Variants in ARHGAP26 observed in about 807,000 individuals in gnomAD.
ARHGAP26 encodes rho GTPase-activating protein 26.
In ARHGAP26, 38 loss-of-function variants were observed where a neutral mutation model predicts 104.8. That is an observed-to-expected ratio of 0.36 (90% CI 0.28 to 0.48). The LOEUF (loss-of-function observed/expected upper bound fraction) is 0.48, where lower values mean the gene tolerates loss of function less well. Ranked by LOEUF, ARHGAP26 falls within the 20% of genes least tolerant of loss-of-function variation. The probability of loss-of-function intolerance (pLI) is 0.99; values close to 1 mark genes in which losing one functional copy is unlikely to be tolerated. For missense variants in ARHGAP26, 704 were observed against 947.9 expected, an observed-to-expected ratio of 0.74 and a Z score of 3.38; for synonymous variants, 341 against 340.0, an observed-to-expected ratio of 1.00 and a Z score of -0.03.
At chr5:142,985,811 C>T (rs578220404) in intron 11 of ARHGAP26, among the ~76,000 whole-genome samples, 25 of 151,986 alleles carry the variant, frequency 1.6e-4, no homozygotes, top group Non-Finnish European at 8.8e-5. Context: ...CCAGCTTCAT[C>T]CATGTCCCTA....
chr5:143,097,078 C>T (rs192959619), intron 17 of ARHGAP26, among the ~76,000 whole-genome samples: 103 of 152,208 alleles, frequency 6.8e-4, no homozygotes, highest in Non-Finnish European at 1.1e-3. Context: ...GTGGCTCATG[C>T]GTGTAATCAC....
At chr5:143,122,260 A>G (rs554691572) in intron 18 of ARHGAP26, among the ~76,000 whole-genome samples, 1 of 152,032 alleles carries the variant, frequency 6.6e-6, no homozygotes, top group Non-Finnish European at 1.5e-5. Flanking sequence ...CATCTCTCCT[A>G]TAGCCATCTT....
At chr5:143,055,884 A>G (rs1400111517) in intron 15 of ARHGAP26, 144 bp from the exon 16 acceptor site, 2 of 563,918 alleles carry the variant, frequency 3.5e-6, no homozygotes, top group South Asian at 2.9e-5. Flanking sequence ...AACGCTTGCA[A>G]TAGGGAAACT....
At chr5:142,957,821 G>A (rs889295319) in intron 11 of ARHGAP26, among the ~76,000 whole-genome samples, 1 of 152,188 alleles carries the variant, frequency 6.6e-6, no homozygotes, top group Admixed American at 6.5e-5. Flanking sequence ...TGCAAACAGC[G>A]CTCTCTCTTT....
At chr5:142,924,095 C>T (rs1763571467) in intron 10 of ARHGAP26, among the ~76,000 whole-genome samples, 1 of 152,032 alleles carries the variant, frequency 6.6e-6, no homozygotes, top group Non-Finnish European at 1.5e-5. Context: ...ATCTCCTGAC[C>T]TCGCGATCCA....
chr5:142,797,118 A>C (rs1761132852), intron 1 of ARHGAP26, among the ~76,000 whole-genome samples: 1 of 152,254 alleles, frequency 6.6e-6, no homozygotes. Context: ...TTTGAGTAGC[A>C]TAGTGACATA....
intron 11 of ARHGAP26, among the ~76,000 whole-genome samples, chr5:142,943,050 G>A (rs1183305355): frequency 6.6e-6 from 1 of 152,178 alleles, no homozygotes; most frequent in East Asian, 1.9e-4. Context: ...CAAAGTTCTG[G>A]GATTACAGGC....
At chr5:142,981,955 G>T (rs764695051) in intron 11 of ARHGAP26, among the ~76,000 whole-genome samples, 1 of 152,158 alleles carries the variant, frequency 6.6e-6, no homozygotes, top group African/African-American at 2.4e-5. Flanking sequence ...AAGAGGCCTC[G>T]TGCAGGCTTT....
chr5:143,093,530 GTC>G (rs1212441030), intron 17 of ARHGAP26, among the ~76,000 whole-genome samples: 1 of 151,636 alleles, frequency 6.6e-6, no homozygotes, highest in Non-Finnish European at 1.5e-5. Context: ...TTGACTTTCT[GTC>G]TCTTTCTCTC....
chr5:142,865,802 A>T (rs1219903033), intron 1 of ARHGAP26, among the ~76,000 whole-genome samples: 2 of 152,160 alleles, frequency 1.3e-5, no homozygotes, highest in African/African-American at 4.8e-5. Context: ...AGCTTGGCAT[A>T]CAGGTCCTTC....
At chr5:142,832,058 G>C in intron 1 of ARHGAP26, among the ~76,000 whole-genome samples, 1 of 152,094 alleles carries the variant, frequency 6.6e-6, no homozygotes, top group Non-Finnish European at 1.5e-5. Context: ...TACCAAAACT[G>C]TACACATGTC....
intron 17 of ARHGAP26, among the ~76,000 whole-genome samples, chr5:143,104,000 A>C (rs529274543): frequency 6.6e-6 from 1 of 151,622 alleles, no homozygotes; most frequent in Admixed American, 6.6e-5. Context: ...AGATCCTGCT[A>C]TTTGTTACAA....
At chr5:142,773,988 C>G (rs1162317394) in intron 1 of ARHGAP26, among the ~76,000 whole-genome samples, 1 of 152,166 alleles carries the variant, frequency 6.6e-6, no homozygotes, top group East Asian at 1.9e-4. Flanking sequence ...AATACATAAG[C>G]GCTTCTTGAA....
intron 1 of ARHGAP26, among the ~76,000 whole-genome samples, chr5:142,847,308 G>A (rs1482978690): frequency 6.6e-6 from 1 of 151,996 alleles, no homozygotes; most frequent in Non-Finnish European, 1.5e-5. Flanking sequence ...CTGAGCCTTG[G>A]GGAAGCTGCC....
At chr5:142,841,557 C>T (rs1001440178) in intron 1 of ARHGAP26, among the ~76,000 whole-genome samples, 3 of 152,164 alleles carry the variant, frequency 2.0e-5, no homozygotes, top group South Asian at 2.1e-4. Flanking sequence ...ACACTGAGTG[C>T]GGGCAACCCT....
At chr5:142,956,923 G>T (rs1015177137) in intron 11 of ARHGAP26, among the ~76,000 whole-genome samples, 1 of 152,104 alleles carries the variant, frequency 6.6e-6, no homozygotes, top group African/African-American at 2.4e-5. Context: ...GGGAAATACC[G>T]GCCCTCGTGA....
intron 11 of ARHGAP26, among the ~76,000 whole-genome samples, chr5:142,980,138 A>G (rs1773704539): frequency 6.6e-6 from 1 of 152,198 alleles, no homozygotes; most frequent in African/African-American, 2.4e-5. Flanking sequence ...TGCTTCATGT[A>G]AATGGAAACA....
At chr5:142,772,157 A>T (rs571362597) in intron 1 of ARHGAP26, among the ~76,000 whole-genome samples, 1 of 152,380 alleles carries the variant, frequency 6.6e-6, no homozygotes, top group East Asian at 1.9e-4. Context: ...GGTGCCTGAG[A>T]TGTCATTTTG....
At chr5:142,800,582 C>G (rs1039305712) in intron 1 of ARHGAP26, among the ~76,000 whole-genome samples, 2 of 152,174 alleles carry the variant, frequency 1.3e-5, no homozygotes, top group Non-Finnish European at 2.9e-5. Flanking sequence ...AGGCTGGTCT[C>G]TAACTCCTGA....
Sources: allele counts gnomAD v4.1 joint callset (sites outside exome capture counted in the v4.1 genomes callset), GRCh38; gene constraint gnomAD v4.1.1; transcripts MANE v1.5; gene names NCBI Gene and HGNC (gene_info 2026-07-23, HGNC 2026-07-21).